Variants in KIF26B observed in about 807,000 individuals in gnomAD.
KIF26B encodes the protein kinesin-like protein KIF26B.
In KIF26B, 63 loss-of-function variants were observed where a neutral mutation model predicts 151.2. That is an observed-to-expected ratio of 0.42 (90% CI 0.34 to 0.51). KIF26B has a LOEUF of 0.51. Ranked by LOEUF, KIF26B falls within the 20% of genes least tolerant of loss-of-function variation. The probability of loss-of-function intolerance (pLI) is 0.07; values close to 1 mark genes in which losing one functional copy is unlikely to be tolerated. For synonymous variants in KIF26B, 1,357 were observed against 1,262.1 expected, an observed-to-expected ratio of 1.08 and a Z score of -1.59; for missense variants, 2,813 against 2,913.6, an observed-to-expected ratio of 0.97 and a Z score of 0.79.
chr1:245,156,608 G>A lies in KIF26B; in HGVS notation c.390G>A (p.Glu130=). The part of the protein sequence containing the change: ...SPGSDRGVWC[E]NCNARLVELK... ...GCTCGGACCGCGGCGTCTGGTGCGA[G>A]AACTGCAACGCCCGCCTGGTGGAGC... is the stretch of plus-strand genomic sequence containing the variant. The change falls in exon 2 of 15, where the codon GAG becomes GAA. Residue 130 remains glutamate (E), a synonymous_variant. Transcript: ENST00000407071. The A allele has an allele frequency of 6.6e-7, 1 of 1,526,292 alleles. No individual in the cohort carries two copies. Among genetic ancestry groups the A allele is most frequent in the African/African-American group, 1.4e-5 (1 of 71,296 alleles). 94.5% of individuals were successfully genotyped at this position (1,526,292 alleles called of 1,614,324 possible).
intron 5 of KIF26B, among the ~76,000 whole-genome samples, chr1:245,576,507 C>T (rs1475882633): frequency 6.6e-6 from 1 of 152,122 alleles, no homozygotes; most frequent in Non-Finnish European, 1.5e-5. Flanking sequence ...GGGAGGGGGC[C>T]CCAAGCTACA....
chr1:245,372,519 C>T (rs1673152292), intron 3 of KIF26B, among the ~76,000 whole-genome samples: 1 of 152,160 alleles, frequency 6.6e-6, no homozygotes, highest in Admixed American at 6.6e-5. Flanking sequence ...ACCCTCCTCC[C>T]ACCCTCCACC....
At chr1:245,284,401 G>T (rs1340711858) in intron 2 of KIF26B, among the ~76,000 whole-genome samples, 3 of 151,996 alleles carry the variant, frequency 2.0e-5, no homozygotes, top group Non-Finnish European at 4.4e-5. Flanking sequence ...CCAGCCCAAG[G>T]CCTCCTACAA....
At chr1:245,187,328 A>G (rs1669017430) in intron 2 of KIF26B, among the ~76,000 whole-genome samples, 1 of 152,186 alleles carries the variant, frequency 6.6e-6, no homozygotes, top group Non-Finnish European at 1.5e-5. Context: ...GACAATAGAG[A>G]AAGACAGACA....
At chr1:245,464,600 CTGTGCGTG>C (rs555806508) in intron 4 of KIF26B, among the ~76,000 whole-genome samples, 1 of 97,668 alleles carries the variant, frequency 1.0e-5, no homozygotes, top group Non-Finnish European at 2.1e-5. Context: ...TGGGTGTGTG[CTGTGCGTG>C]TGGGTGTGTG....
intron 10 of KIF26B, among the ~76,000 whole-genome samples, chr1:245,656,565 G>C (rs929058988): frequency 3.9e-5 from 6 of 152,202 alleles, no homozygotes; most frequent in African/African-American, 1.4e-4. Flanking sequence ...GGTTGGTCTG[G>C]GGACAGTACG....
intron 4 of KIF26B, among the ~76,000 whole-genome samples, chr1:245,502,877 T>C (rs938468335): frequency 5.3e-5 from 8 of 151,466 alleles, no homozygotes; most frequent in South Asian, 2.1e-4. Context: ...TTTTTTTTTT[T>C]CGAGATGGAG....
At chr1:245,220,341 T>G (rs1240530185) in intron 2 of KIF26B, among the ~76,000 whole-genome samples, 3 of 152,196 alleles carry the variant, frequency 2.0e-5, no homozygotes, top group Non-Finnish European at 4.4e-5. Flanking sequence ...AAGGTAAGAA[T>G]GATCACTGAC....
intron 10 of KIF26B, among the ~76,000 whole-genome samples, chr1:245,662,435 G>A (rs1161561786): frequency 7.8e-5 from 11 of 140,130 alleles, no homozygotes; most frequent in African/African-American, 2.9e-4. Flanking sequence ...ACACATACCC[G>A]ATATATATAT....
At chr1:245,461,920 C>A (rs490002) in intron 4 of KIF26B, among the ~76,000 whole-genome samples, 20,985 of 151,992 alleles carry the variant, frequency 0.14, 1,593 homozygotes, top group East Asian at 0.23. Context: ...TTGAGACCAG[C>A]CCTGGCAACA....
chr1:245,527,008 T>G (rs1172537555), intron 4 of KIF26B, among the ~76,000 whole-genome samples: 1 of 152,250 alleles, frequency 6.6e-6, no homozygotes, highest in Admixed American at 6.5e-5. Flanking sequence ...TAAGGAAAAC[T>G]CTAAAGGAAT....
chr1:245,248,700 A>T (rs973757506), intron 2 of KIF26B, among the ~76,000 whole-genome samples: 1 of 152,206 alleles, frequency 6.6e-6, no homozygotes, highest in Non-Finnish European at 1.5e-5. Flanking sequence ...ACACGTGATT[A>T]TCCCCACGGT....
chr1:245,579,998 G>C (rs1004229354), intron 5 of KIF26B, among the ~76,000 whole-genome samples: 2 of 152,164 alleles, frequency 1.3e-5, no homozygotes, highest in African/African-American at 4.8e-5. Flanking sequence ...TCTAGGGTCT[G>C]CCCCTGAGGT....
chr1:245,513,605 G>C (rs1660884978), intron 4 of KIF26B, among the ~76,000 whole-genome samples: 2 of 152,196 alleles, frequency 1.3e-5, no homozygotes, highest in Admixed American at 1.3e-4. Flanking sequence ...TCCACCGCCA[G>C]TGTTCTTGCT....
In KIF26B at chr1:245,688,642, G is replaced by T; in HGVS notation, c.5659G>T (p.Ala1887Ser). The part of the protein sequence containing the change: ...GELPPAMGKT[A>S]LFYHSGGSSG... The stretch of plus-strand genomic sequence containing the variant: ...GCTCCCGCCGGCCATGGGGAAGACG[G>T]CCCTGTTCTACCACAGCGGCGGCAG... Residue 1887 changes from alanine (A) to serine (S), a missense_variant, in exon 12 of 15, where the codon GCC becomes TCC. Ala to Ser is a moderately conservative substitution (Grantham distance 99). Coordinates refer to ENST00000407071, the MANE Select transcript of KIF26B (RefSeq NM_018012.4). 6.2e-7 allele frequency: 1 copy of T among 1,602,872 alleles called. No homozygotes were observed. Among genetic ancestry groups the T allele is most frequent in the Non-Finnish European group, 8.5e-7 (1 of 1,176,136 alleles).
chr1:245,592,372 G>A (rs1265394737), intron 5 of KIF26B, among the ~76,000 whole-genome samples: 1 of 152,226 alleles, frequency 6.6e-6, no homozygotes, highest in Non-Finnish European at 1.5e-5. Flanking sequence ...CAGGGCCAGG[G>A]CCCTTCCACC....
intron 14 of KIF26B, among the ~76,000 whole-genome samples, chr1:245,701,737 C>T (rs1286618281): frequency 2.6e-5 from 4 of 152,170 alleles, no homozygotes; most frequent in African/African-American, 9.7e-5. Flanking sequence ...GGTGGAGGTC[C>T]CAGAGCTCGT....
intron 2 of KIF26B, among the ~76,000 whole-genome samples, chr1:245,189,664 G>A (rs1467885104): frequency 6.6e-6 from 1 of 152,122 alleles, no homozygotes; most frequent in East Asian, 1.9e-4. Flanking sequence ...CCAGAAGTTA[G>A]AACCTTGCGC....
intron 6 of KIF26B, among the ~76,000 whole-genome samples, chr1:245,607,105 T>C (rs1210126435): frequency 2.0e-5 from 3 of 147,168 alleles, no homozygotes; most frequent in Non-Finnish European, 4.5e-5. Context: ...AAGGTGTGAA[T>C]TGAAAATGAG....
Sources: gnomAD v4.1 joint callset for allele counts (sites outside exome capture counted in the v4.1 genomes callset) on GRCh38, gnomAD v4.1.1 for gene constraint, MANE v1.5 for transcripts, NCBI Gene and HGNC (gene_info 2026-07-23, HGNC 2026-07-21) for gene names.